The following SPOCK1 variants were observed in gnomAD, a reference collection of about 807,000 sequenced individuals.
SPOCK1 encodes the protein testican-1.
SPOCK1 carries 23 observed loss-of-function variants against 55.3 expected under a neutral mutation model. The observed-to-expected ratio is 0.42, with a 90% CI of 0.30 to 0.59. SPOCK1 has a LOEUF of 0.59. Ranked by LOEUF, SPOCK1 falls within the 20% of genes least tolerant of loss-of-function variation. The probability of loss-of-function intolerance (pLI) is 0.22; values close to 1 mark genes in which losing one functional copy is unlikely to be tolerated. For synonymous variants in SPOCK1, 226 were observed against 221.0 expected (o/e 1.02, Z -0.20); for missense variants, 499 against 552.5 (o/e 0.90, Z 0.97).
intron 4 of SPOCK1, among the ~76,000 whole-genome samples, chr5:137,137,358 A>C (rs190751580): frequency 6.6e-6 from 1 of 152,294 alleles, no homozygotes; most frequent in African/African-American, 2.4e-5. Flanking sequence ...CCCTGGTCAG[A>C]GGGGACTCCT....
chr5:137,135,725 T>C (rs539897632), intron 4 of SPOCK1, among the ~76,000 whole-genome samples: 254 of 152,306 alleles, frequency 1.7e-3, no homozygotes, highest in African/African-American at 5.7e-3. Flanking sequence ...TAAATGGAAA[T>C]TGTATAGTAT....
chr5:137,096,335 G>A (rs1490067001), intron 5 of SPOCK1, among the ~76,000 whole-genome samples: 2 of 151,800 alleles, frequency 1.3e-5, no homozygotes, highest in Non-Finnish European at 2.9e-5. Flanking sequence ...GGGTTTCCAT[G>A]ACAACCACTT....
At chr5:137,001,444 G>T (rs554557545) in intron 6 of SPOCK1, among the ~76,000 whole-genome samples, 7 of 152,274 alleles carry the variant, frequency 4.6e-5, no homozygotes, top group Non-Finnish European at 7.4e-5. Context: ...CAGGTCCTAC[G>T]GATGGTAAAC....
chr5:137,354,676 T>C (rs1750753108), intron 2 of SPOCK1, among the ~76,000 whole-genome samples: 1 of 152,184 alleles, frequency 6.6e-6, no homozygotes. Context: ...GGCCATCAAC[T>C]GCAGGTGTCA....
Position 137,347,451 on chromosome 5 carries a change from C to T in SPOCK1, c.187-80396G>A, listed in dbSNP as rs187779094. On this transcript the variant is annotated intron_variant, in intron 2 of 10. Transcript: ENST00000394945. Reference sequence around the variant, plus strand: ...TATCAACTAAAACAGCCTCTTAGGCCGGACATGGTGGCTCATGCCTGTAAT... The same window carrying T: ...TATCAACTAAAACAGCCTCTTAGGCTGGACATGGTGGCTCATGCCTGTAAT... Among the ~76,000 whole-genome samples, 34 of 152,290 alleles carry T rather than the reference C, an allele frequency of 2.2e-4. 1 individual carries two copies. The East Asian group carries it at 5.6e-3, about 25-fold the overall frequency.
intron 3 of SPOCK1, among the ~76,000 whole-genome samples, chr5:137,260,913 A>T (rs760237817): frequency 1.3e-5 from 2 of 152,230 alleles, no homozygotes; most frequent in Non-Finnish European, 2.9e-5. Flanking sequence ...GGCAGAGAGC[A>T]GGTTAATGTG....
chr5:137,261,830 C>G lies in SPOCK1; in HGVS notation c.232+5180G>C, dbSNP rs57862379. Among the ~76,000 whole-genome samples, 3 of 152,328 alleles carry G rather than the reference C, an allele frequency of 2.0e-5. No homozygotes were observed. The South Asian group carries it at 6.2e-4, about 32-fold the overall frequency. On this transcript the variant is annotated intron_variant, in intron 3 of 10. Transcript: ENST00000394945. The stretch of plus-strand genomic sequence containing the variant: ...TCTCCAGCCATTAGTCCTACAGTGG[C>G]TTGTCTCCTCTAGTGGAACTTCATA...
At chr5:137,235,319 T>C (rs1279553410) in intron 3 of SPOCK1, among the ~76,000 whole-genome samples, 1 of 152,244 alleles carries the variant, frequency 6.6e-6, no homozygotes, top group Non-Finnish European at 1.5e-5. Context: ...AGGGTGTTTA[T>C]GTTCAGATTA....
intron 5 of SPOCK1, among the ~76,000 whole-genome samples, chr5:137,085,664 T>C (rs1264799227): frequency 6.6e-6 from 1 of 152,308 alleles, no homozygotes; most frequent in East Asian, 1.9e-4. Flanking sequence ...GGTCAGTCAT[T>C]CCTGAAGTGA....
intron 5 of SPOCK1, among the ~76,000 whole-genome samples, chr5:137,086,251 G>A (rs1752957833): frequency 6.6e-6 from 1 of 152,082 alleles, no homozygotes; most frequent in African/African-American, 2.4e-5. Flanking sequence ...ATTTCACTTA[G>A]GGACAAAGTT....
intron 6 of SPOCK1, among the ~76,000 whole-genome samples, chr5:137,044,523 T>A (rs1752068186): frequency 6.6e-6 from 1 of 152,224 alleles, no homozygotes; most frequent in South Asian, 2.1e-4. Flanking sequence ...GCGTATTTTT[T>A]TGTATTTAAG....
At position 137,447,128 on chromosome 5, in the gene SPOCK1, T is replaced by C. The variant is rs115775482; in HGVS notation, c.186+51245A>G. ...TGCTATGAATATGGGTGTACAGATA[T>C]GGAGATAATTCTTATAAGTAGATTC... On this transcript the variant is annotated intron_variant, in intron 2 of 10. Transcript: ENST00000394945. Among the ~76,000 whole-genome samples the C allele has an allele frequency of 6.5e-3, 997 of 152,330 alleles. 9 individuals carry two copies. Among genetic ancestry groups the C allele is most frequent in the African/African-American group, 0.023 (949 of 41,560 alleles).
At chr5:137,496,310 C>T (rs953694244) in intron 2 of SPOCK1, among the ~76,000 whole-genome samples, 3 of 152,128 alleles carry the variant, frequency 2.0e-5, no homozygotes, top group Non-Finnish European at 2.9e-5. Context: ...AATGTCACCA[C>T]CATCCATAAT....
At chr5:137,377,191 T>C (rs897024011) in intron 2 of SPOCK1, among the ~76,000 whole-genome samples, 19 of 152,218 alleles carry the variant, frequency 1.2e-4, no homozygotes, top group Admixed American at 1.1e-3. Context: ...GATGAAGGTA[T>C]GCGCTTCAAG....
chr5:137,180,851 T>C (rs567710586), intron 3 of SPOCK1, among the ~76,000 whole-genome samples: 2 of 152,282 alleles, frequency 1.3e-5, no homozygotes, highest in African/African-American at 4.8e-5. Context: ...ATGAAGGAGC[T>C]GTTCATTCAC....
chr5:137,464,249 C>T (rs1361575845), intron 2 of SPOCK1, among the ~76,000 whole-genome samples: 1 of 152,102 alleles, frequency 6.6e-6, no homozygotes, highest in East Asian at 1.9e-4. Context: ...CTGCAGTGAG[C>T]CATGATCATG....
Position 137,295,361 on chromosome 5 carries a change from C to T in SPOCK1, c.187-28306G>A, listed in dbSNP as rs149015553. Among the ~76,000 whole-genome samples, 324 of 152,340 alleles carry T rather than the reference C, an allele frequency of 2.1e-3. 1 individual carries two copies. Among genetic ancestry groups the T allele is most frequent in the African/African-American group, 7.5e-3 (312 of 41,588 alleles). On this transcript the variant is annotated intron_variant, in intron 2 of 10. Coordinates refer to ENST00000394945, the MANE Select transcript of SPOCK1 (RefSeq NM_004598.4). Reference sequence around the variant, plus strand: ...GAAAGCTCACTTTATATCTACCCTACTTGCCACTGTTCCTCCTTAGAGCTC... The same window carrying T: ...GAAAGCTCACTTTATATCTACCCTATTTGCCACTGTTCCTCCTTAGAGCTC...
chr5:137,090,731 A>G (rs1174992230), intron 5 of SPOCK1, among the ~76,000 whole-genome samples: 3 of 152,200 alleles, frequency 2.0e-5, no homozygotes, highest in Non-Finnish European at 2.9e-5. Context: ...AGGAGGAAAA[A>G]GGGTCATGGC....
intron 5 of SPOCK1, among the ~76,000 whole-genome samples, chr5:137,095,290 A>C (rs1239437509): frequency 6.6e-6 from 1 of 152,226 alleles, no homozygotes; most frequent in Non-Finnish European, 1.5e-5. Flanking sequence ...TTGTTGAAAA[A>C]TTGGTACCAA....
Sources: allele counts gnomAD v4.1 joint callset (sites outside exome capture counted in the v4.1 genomes callset), GRCh38; gene constraint gnomAD v4.1.1; transcripts MANE v1.5; gene names NCBI Gene and HGNC (gene_info 2026-07-23, HGNC 2026-07-21).